Variants in NXPE4 observed in about 807,000 individuals in gnomAD.
NXPE4 encodes NXPE family member 4.
A neutral mutation model predicts 33.3 loss-of-function variants in NXPE4; 42 were observed. The observed-to-expected ratio is 1.26, with a 90% CI of 0.98 to 1.63. The LOEUF (loss-of-function observed/expected upper bound fraction) is 1.63, where lower values mean the gene tolerates loss of function less well. NXPE4 is among the 40% of genes most tolerant of loss of function. The pLI, the probability that NXPE4 is intolerant of heterozygous loss-of-function variation, is 0.00. For missense variants in NXPE4, 709 were observed against 647.6 expected (o/e 1.09, Z -1.03); for synonymous variants, 253 against 234.9 (o/e 1.08, Z -0.71).
intron 2 of NXPE4, among the ~76,000 whole-genome samples, chr11:114,594,172 A>G (rs1328841707): frequency 6.6e-6 from 1 of 152,110 alleles, no homozygotes; most frequent in African/African-American, 2.4e-5. Flanking sequence ...AAATAGCTAA[A>G]AGAGTATAAT....
the NXPE4 span, among the ~76,000 whole-genome samples, chr11:114,625,073 G>T: frequency 6.6e-6 from 1 of 151,824 alleles, no homozygotes; most frequent in Non-Finnish European, 1.5e-5. Context: ...ATATTGCCCC[G>T]TGGGTAACCA....
the NXPE4 span, among the ~76,000 whole-genome samples, chr11:114,626,924 G>A: frequency 1.8e-4 from 28 of 152,032 alleles, no homozygotes; most frequent in African/African-American, 6.5e-4. Flanking sequence ...TATCAGTGAT[G>A]GAAGATGAAA....
intron 2 of NXPE4, chr11:114,584,202 A>G: frequency 2.7e-6 from 1 of 366,148 alleles, no homozygotes; most frequent in East Asian, 7.9e-5. Flanking sequence ...AATAAGAAAG[A>G]GCTGTGGCTC....
the NXPE4 span, among the ~76,000 whole-genome samples, chr11:114,615,186 G>A: frequency 3.8e-4 from 58 of 151,760 alleles, no homozygotes; most frequent in East Asian, 5.1e-3. Context: ...GTATTCCTTC[G>A]TTGGTAACCA....
At chr11:114,653,608 A>G in the NXPE4 span, among the ~76,000 whole-genome samples, 3 of 148,058 alleles carry the variant, frequency 2.0e-5, no homozygotes, top group African/African-American at 7.5e-5. Flanking sequence ...GCTCACTGCA[A>G]GCTTCAACTT....
chr11:114,674,532 A>C, the NXPE4 span, among the ~76,000 whole-genome samples: 4 of 151,798 alleles, frequency 2.6e-5, no homozygotes, highest in East Asian at 7.7e-4. Flanking sequence ...AAAAACTTGT[A>C]GTAGATAACA....
At chr11:114,627,956 A>C in the NXPE4 span, among the ~76,000 whole-genome samples, 1 of 152,096 alleles carries the variant, frequency 6.6e-6, no homozygotes, top group African/African-American at 2.4e-5. Context: ...GATCAACTCA[A>C]CAAGAAGAGC....
chr11:114,570,846 G>A lies in NXPE4; in HGVS notation c.*92C>T. Reference sequence around the variant, plus strand: ...GTAGATTCTCTGCTCTTGCTAGTTGGGAATTCAGAGCCAAACACAGCATCT... The same window carrying A: ...GTAGATTCTCTGCTCTTGCTAGTTGAGAATTCAGAGCCAAACACAGCATCT... On this transcript the variant is annotated 3_prime_UTR_variant, in exon 6 of 6. Transcript: ENST00000375478. The A allele has an allele frequency of 1.2e-6, 1 of 831,648 alleles. No individual in the cohort carries two copies. 51.5% of individuals were successfully genotyped at this position (831,648 alleles called of 1,614,324 possible).
In NXPE4 at chr11:114,571,142, G is replaced by T; in HGVS notation, c.1431C>A (p.Ile477=). The T allele has an allele frequency of 6.2e-7, 1 of 1,613,858 alleles. No homozygotes were observed. The highest frequency in any genetic ancestry group is 1.1e-5 in the South Asian group (1 of 91,080). The change falls in exon 6 of 6, where the codon ATC becomes ATA. Residue 477 remains isoleucine, a synonymous_variant. Coordinates refer to ENST00000375478, the MANE Select transcript of NXPE4 (RefSeq NM_001077639.2). The part of the protein sequence containing the change: ...DTMVIIKTEN[I]REMYNDAERF... ...TTTCTGCATCATTGTACATCTCCCT[G>T]ATGTTTTCTGTTTTGATGATAACCA... is the stretch of plus-strand genomic sequence containing the variant.
the NXPE4 span, among the ~76,000 whole-genome samples, chr11:114,636,577 C>T: frequency 2.6e-5 from 4 of 151,646 alleles, no homozygotes; most frequent in African/African-American, 9.7e-5. Context: ...TTGGATCTTT[C>T]CTGCTTTCTC....
the NXPE4 span, among the ~76,000 whole-genome samples, chr11:114,602,852 TATA>T: frequency 6.8e-6 from 1 of 147,322 alleles, no homozygotes; most frequent in Non-Finnish European, 1.5e-5. Flanking sequence ...CAGAATCACA[TATA>T]ATTATCTCAT....
intron 2 of NXPE4, among the ~76,000 whole-genome samples, chr11:114,592,391 G>GA: frequency 6.6e-6 from 1 of 151,820 alleles, no homozygotes; most frequent in South Asian, 2.1e-4. Context: ...CAAACAACCT[G>GA]AAAAAATATC....
chr11:114,649,082 C>T, the NXPE4 span, among the ~76,000 whole-genome samples: 3 of 151,944 alleles, frequency 2.0e-5, no homozygotes, highest in African/African-American at 7.2e-5. Context: ...TTATCCTCCA[C>T]TACCATTCCA....
the NXPE4 span, among the ~76,000 whole-genome samples, chr11:114,632,167 CATATA>C: frequency 1.0e-4 from 14 of 137,730 alleles, no homozygotes; most frequent in East Asian, 2.0e-4. Context: ...TAAAATTTAT[CATATA>C]ATATATAATA....
the NXPE4 span, among the ~76,000 whole-genome samples, chr11:114,615,358 A>G: frequency 0.012 from 1,858 of 151,642 alleles, 36 homozygotes; most frequent in African/African-American, 0.042. Flanking sequence ...TGCCTCGTGG[A>G]TAACCACTGT....
the NXPE4 span, among the ~76,000 whole-genome samples, chr11:114,619,110 T>G: frequency 2.6e-5 from 4 of 151,936 alleles, no homozygotes; most frequent in Non-Finnish European, 5.9e-5. Flanking sequence ...GCACTGTGGA[T>G]AATAAGTGTT....
chr11:114,571,458 T>C lies in NXPE4; in HGVS notation c.1115A>G (p.Asp372Gly), dbSNP rs779497222. The C allele has an allele frequency of 2.5e-6, 4 of 1,606,846 alleles. No individual in the cohort carries two copies. The highest frequency in any genetic ancestry group is 3.4e-6 in the Non-Finnish European group (4 of 1,174,696). The change falls in exon 6 of 6, where the codon GAT becomes GGT. Residue 372 changes from aspartate to glycine, a missense_variant. Physicochemically the swap from Asp to Gly is moderately conservative, Grantham distance 94. Coordinates refer to ENST00000375478, the MANE Select transcript of NXPE4 (RefSeq NM_001077639.2). The stretch of plus-strand genomic sequence containing the variant: ...TTGCAATTTTCCAGATTCATGCAGA[T>C]CCACTGACTTCAGTGCTGATAACAA... The part of the protein sequence containing the change: ...KASINTLKSV[D>G]LHESGKLQHQ...
chr11:114,590,388 C>T (rs1949422418), intron 2 of NXPE4, among the ~76,000 whole-genome samples: 1 of 152,128 alleles, frequency 6.6e-6, no homozygotes. Context: ...TCCTCCTTCC[C>T]CCTCCCTAAA....
At chr11:114,619,168 T>C in the NXPE4 span, among the ~76,000 whole-genome samples, 46 of 146,534 alleles carry the variant, frequency 3.1e-4, no homozygotes, top group African/African-American at 1.1e-3. Context: ...GTATTGCCTC[T>C]AGGGTTATCA....
Sources: allele counts gnomAD v4.1 joint callset (sites outside exome capture counted in the v4.1 genomes callset), GRCh38; gene constraint gnomAD v4.1.1; transcripts MANE v1.5; gene names NCBI Gene and HGNC (gene_info 2026-07-23, HGNC 2026-07-21).